The following EPB41 variants were observed in gnomAD, a reference collection of about 807,000 sequenced individuals.
EPB41 encodes the protein protein 4.1.
A neutral mutation model predicts 108.0 loss-of-function variants in EPB41; 65 were observed. That is an observed-to-expected ratio of 0.60 (90% CI 0.49 to 0.74). EPB41 has a LOEUF of 0.74. Among genes scored for constraint, EPB41 ranks in the 30% least tolerant of loss-of-function variants. The pLI, the probability that EPB41 is intolerant of heterozygous loss-of-function variation, is 0.00. For missense variants in EPB41, 875 were observed against 1,037.0 expected, an observed-to-expected ratio of 0.84 and a Z score of 2.15; for synonymous variants, 336 against 358.9, an observed-to-expected ratio of 0.94 and a Z score of 0.72.
chr1:29,017,353 A>G (rs1172612345), intron 6 of EPB41, among the ~76,000 whole-genome samples: 1 of 152,240 alleles, frequency 6.6e-6, no homozygotes, highest in Non-Finnish European at 1.5e-5. Context: ...ATTTAATAAT[A>G]CTTTCCTGTT....
chr1:29,042,859 C>T (rs1000445278), intron 11 of EPB41, among the ~76,000 whole-genome samples: 2 of 151,926 alleles, frequency 1.3e-5, no homozygotes, highest in African/African-American at 4.8e-5. Context: ...TTGTCTTAAT[C>T]TTCATGAAAA....
chr1:29,066,269 A>G (rs1419322782), intron 16 of EPB41, among the ~76,000 whole-genome samples: 4 of 151,942 alleles, frequency 2.6e-5, no homozygotes, highest in African/African-American at 9.7e-5. Context: ...ATATACAAAA[A>G]TTAGCCGGGC....
At chr1:28,912,418 A>G (rs560571124), upstream of EPB41, among the ~76,000 whole-genome samples, 106 of 152,088 alleles carry the variant, frequency 7.0e-4, 2 homozygotes, top group Non-Finnish European at 2.9e-4. Flanking sequence ...TTTCAAATGG[A>G]CAATTTACAT....
chr1:29,100,692 T>C (rs981462900), intron 17 of EPB41, among the ~76,000 whole-genome samples: 67 of 146,726 alleles, frequency 4.6e-4, no homozygotes, highest in Non-Finnish European at 8.7e-4. Context: ...TATATAATTA[T>C]AATATATATT....
intron 1 of EPB41, chr1:28,985,652 A>G (rs1188641000): frequency 6.6e-6 from 1 of 152,138 alleles, no homozygotes; most frequent in Non-Finnish European, 1.5e-5. Flanking sequence ...GGAATGAGCT[A>G]AATATAGTTT....
At chr1:28,969,695 T>G (rs1424023218) in intron 1 of EPB41, among the ~76,000 whole-genome samples, 3 of 151,506 alleles carry the variant, frequency 2.0e-5, no homozygotes, top group East Asian at 2.0e-4. Flanking sequence ...GTCACAAGAT[T>G]GAGACCATCC....
chr1:29,067,995 T>C (rs1649213840), intron 16 of EPB41, among the ~76,000 whole-genome samples: 1 of 152,238 alleles, frequency 6.6e-6, no homozygotes. Context: ...TTAATTTTGA[T>C]GTATCTGTAG....
chr1:28,981,989 C>T (rs752448488), intron 1 of EPB41, among the ~76,000 whole-genome samples: 5 of 151,700 alleles, frequency 3.3e-5, no homozygotes, highest in Non-Finnish European at 1.5e-5. Context: ...TGGTGTGCTG[C>T]ACCCATTAAC....
At position 29,018,222 on chromosome 1, in the gene EPB41, A is replaced by G; in HGVS notation, c.906-2A>G. 2 of 1,612,556 alleles carry G rather than the reference A, an allele frequency of 1.2e-6. No individual in the cohort carries two copies. Among genetic ancestry groups the G allele is most frequent in the Non-Finnish European group, 1.7e-6 (2 of 1,179,596 alleles). ...CATAACATTTTTCTCTTTTGGCTGT[A>G]GATATTATTTATGTCTTCAGCTTCG... On this transcript the variant is annotated splice_acceptor_variant, in intron 6 of 20. Transcript: ENST00000343067. LOFTEE classifies it high-confidence loss of function. This position sits in a 1 kb window ranked among gnomAD's most constrained non-coding sequence, Gnocchi z 4.4.
chr1:28,979,317 A>G (rs1468855832), intron 1 of EPB41, among the ~76,000 whole-genome samples: 2 of 151,540 alleles, frequency 1.3e-5, no homozygotes, highest in Non-Finnish European at 2.9e-5. Context: ...GTAGACCACA[A>G]CCACTCTCCA....
chr1:29,119,060 T>C lies in EPB41; in HGVS notation c.*2248T>C, dbSNP rs979034049. The C allele has an allele frequency of 2.0e-5, 3 of 152,262 alleles. No individual in the cohort carries two copies. Among genetic ancestry groups the C allele is most frequent in the African/African-American group, 7.2e-5 (3 of 41,460 alleles). 9.4% of individuals were successfully genotyped at this position (152,262 alleles called of 1,614,324 possible). A position where few individuals can be genotyped will look rare whatever the true frequency, so the allele number is the denominator to read the frequency against. On this transcript the variant is annotated 3_prime_UTR_variant, in exon 21 of 21. Coordinates refer to ENST00000343067, the MANE Select transcript of EPB41 (RefSeq NM_001376013.1). ...GGCAGCTTTCACAGCACAGGACCGTTCATCGGGGGCCTAAACGTTTCCCTC... is the reference window on the plus strand; with the variant it reads ...GGCAGCTTTCACAGCACAGGACCGTCCATCGGGGGCCTAAACGTTTCCCTC...
At chr1:28,965,481 A>G (rs987313809) in intron 1 of EPB41, among the ~76,000 whole-genome samples, 16 of 152,214 alleles carry the variant, frequency 1.1e-4, no homozygotes, top group African/African-American at 3.9e-4. Flanking sequence ...AAAGAGAAAG[A>G]AGATGAATGA....
In EPB41 at chr1:29,021,089, T is replaced by C. The variant is rs139299860; in HGVS notation, c.1124+2647T>C. Among the ~76,000 whole-genome samples the C allele has an allele frequency of 2.0e-4, 30 of 152,362 alleles. 1 individual carries two copies. In the South Asian group the frequency reaches 3.9e-3, roughly 20 times the overall value. ...GCCAGTTATTGTGCATCTATTATTA[T>C]GTGCAAGATACTATGATAAGCACTT... On this transcript the variant is annotated intron_variant, in intron 7 of 20. Transcript: ENST00000343067.
chr1:29,098,695 G>A (rs1038789110), intron 17 of EPB41, among the ~76,000 whole-genome samples: 4 of 152,182 alleles, frequency 2.6e-5, no homozygotes, highest in Non-Finnish European at 5.9e-5. Flanking sequence ...TGCCCATGAC[G>A]TTAATATCTA....
At chr1:29,109,054 C>G (rs1574048269) in intron 17 of EPB41, among the ~76,000 whole-genome samples, 1 of 151,706 alleles carries the variant, frequency 6.6e-6, no homozygotes, top group African/African-American at 2.4e-5. Context: ...CAAAATTAGC[C>G]CGGTGTGGTG....
chr1:28,914,016 C>T (rs1455277936), upstream of EPB41, among the ~76,000 whole-genome samples: 3 of 152,160 alleles, frequency 2.0e-5, no homozygotes, highest in African/African-American at 7.2e-5. Context: ...GAGGTAAAGT[C>T]TCATCGAATG....
intron 11 of EPB41, among the ~76,000 whole-genome samples, chr1:29,047,313 C>T (rs1393461688): frequency 7.3e-6 from 1 of 137,888 alleles, no homozygotes; most frequent in Non-Finnish European, 1.5e-5. Flanking sequence ...GCAGTAGTGC[C>T]GTCATAGCTT....
At chr1:28,935,474 C>G (rs868010546) in intron 1 of EPB41, among the ~76,000 whole-genome samples, 1 of 90,000 alleles carries the variant, frequency 1.1e-5, no homozygotes, top group South Asian at 4.5e-4. Context: ...CACACCCCCC[C>G]CCCCCCAAGA....
chr1:29,003,896 G>A (rs1373176572), intron 4 of EPB41, among the ~76,000 whole-genome samples: 2 of 152,118 alleles, frequency 1.3e-5, no homozygotes, highest in Non-Finnish European at 2.9e-5. Context: ...CTAAGTAGCT[G>A]GGATTACAGG....
Sources: gnomAD v4.1 joint callset for allele counts (sites outside exome capture counted in the v4.1 genomes callset) on GRCh38, gnomAD v4.1.1 for gene constraint, Gnocchi (gnomAD v3.1) non-coding constraint, MANE v1.5 for transcripts, NCBI Gene and HGNC (gene_info 2026-07-23, HGNC 2026-07-21) for gene names.